The following LRRC28 variants were observed in gnomAD, a reference collection of about 807,000 sequenced individuals.
LRRC28 encodes leucine rich repeat containing 28, also known as leucine-rich repeat-containing protein 28.
LRRC28 carries 39 observed loss-of-function variants against 45.7 expected under a neutral mutation model. The observed-to-expected ratio is 0.85, with a 90% CI of 0.66 to 1.12. The LOEUF (loss-of-function observed/expected upper bound fraction) is 1.12. Among genes scored for constraint, LRRC28 ranks in the 50% most tolerant of loss-of-function variants. The pLI is 0.00. For missense variants in LRRC28, 435 were observed against 438.5 expected (o/e 0.99, Z 0.07); for synonymous variants, 206 against 178.8 (o/e 1.15, Z -1.22).
At chr15:99,338,509 T>C (rs1377760901) in intron 6 of LRRC28, 4 of 152,168 alleles carry the variant, frequency 2.6e-5, no homozygotes, top group Non-Finnish European at 4.4e-5. Flanking sequence ...TTTTCAAATA[T>C]TAGAAGGCTC....
intron 1 of LRRC28, 129 bp downstream of exon 1, chr15:99,251,670 C>T (rs2080791353): frequency 1.3e-5 from 2 of 152,276 alleles, no homozygotes; most frequent in Admixed American, 6.5e-5. Flanking sequence ...ACAGCGGAGC[C>T]GTCCGGGCCT....
Position 99,287,970 on chromosome 15 carries a change from A to G in LRRC28, c.385+19A>G. The G allele has an allele frequency of 6.2e-7, 1 of 1,601,094 alleles. No homozygotes were observed. Among genetic ancestry groups the G allele is most frequent in the Non-Finnish European group, 8.5e-7 (1 of 1,173,384 alleles). ...CCTCCAGGTAATCATAGTCTCTAGC[A>G]CACTATAGTTTCTTGTCTATTATAA... On this transcript the variant is annotated intron_variant, in intron 5 of 9. Transcript: ENST00000301981.
intron 1 of LRRC28, among the ~76,000 whole-genome samples, chr15:99,255,367 T>G (rs564314271): frequency 2.7e-5 from 4 of 149,002 alleles, no homozygotes; most frequent in Non-Finnish European, 4.5e-5. Context: ...TAAAAAAAAA[T>G]AAGAAGAAAG....
chr15:99,285,412 C>A, intron 3 of LRRC28: 2 of 753,976 alleles, frequency 2.7e-6, no homozygotes, highest in Non-Finnish European at 4.8e-6. Context: ...AAACCCAAAG[C>A]CCCTGGCGTG....
chr15:99,277,922 C>CT (rs1330438393), intron 3 of LRRC28, among the ~76,000 whole-genome samples: 1 of 151,982 alleles, frequency 6.6e-6, no homozygotes, highest in Non-Finnish European at 1.5e-5. Flanking sequence ...AGTATTTAAT[C>CT]TTTTTTTACT....
chr15:99,262,590 T>C (rs553495374), intron 2 of LRRC28, among the ~76,000 whole-genome samples: 3 of 151,998 alleles, frequency 2.0e-5, no homozygotes, highest in African/African-American at 4.8e-5. Flanking sequence ...TCAAAAAAAA[T>C]TTTTTTAAAG....
chr15:99,358,635 G>C (rs1189610093), intron 7 of LRRC28, among the ~76,000 whole-genome samples: 1 of 152,006 alleles, frequency 6.6e-6, no homozygotes, highest in Non-Finnish European at 1.5e-5. Flanking sequence ...AGTGTATTTG[G>C]GAACTTAATA....
intron 9 of LRRC28, among the ~76,000 whole-genome samples, chr15:99,368,563 C>G (rs959857618): frequency 6.6e-6 from 1 of 152,118 alleles, no homozygotes; most frequent in Non-Finnish European, 1.5e-5. Context: ...GTTGCCCTAC[C>G]CTTGGGCTTT....
intron 6 of LRRC28, among the ~76,000 whole-genome samples, chr15:99,347,165 A>G (rs1490710522): frequency 2.0e-5 from 3 of 150,544 alleles, no homozygotes; most frequent in Admixed American, 2.0e-4. Context: ...TTCTTCCCAC[A>G]TGATAACGCC....
intron 5 of LRRC28, among the ~76,000 whole-genome samples, chr15:99,292,586 G>A (rs1039762767): frequency 2.0e-5 from 3 of 151,600 alleles, no homozygotes; most frequent in Non-Finnish European, 4.4e-5. Flanking sequence ...GGATGGTCTC[G>A]ATCTCCTGAC....
intron 5 of LRRC28, among the ~76,000 whole-genome samples, chr15:99,316,793 A>G (rs1222166936): frequency 6.6e-6 from 1 of 152,062 alleles, no homozygotes; most frequent in Non-Finnish European, 1.5e-5. Context: ...AAGTATTGAA[A>G]GGACCCTGGC....
intron 5 of LRRC28, among the ~76,000 whole-genome samples, chr15:99,294,860 C>G (rs1435974934): frequency 6.6e-6 from 1 of 152,188 alleles, no homozygotes; most frequent in East Asian, 1.9e-4. Flanking sequence ...TGTCCTGCAT[C>G]TTTCAGGTGC....
intron 2 of LRRC28, among the ~76,000 whole-genome samples, chr15:99,265,146 C>T (rs2081299007): frequency 6.6e-6 from 1 of 152,112 alleles, no homozygotes; most frequent in East Asian, 1.9e-4. Flanking sequence ...GGTGACTAAG[C>T]TTATGGTGGA....
intron 9 of LRRC28, among the ~76,000 whole-genome samples, chr15:99,366,618 C>CAG (rs1240615726): frequency 2.6e-5 from 4 of 152,246 alleles, no homozygotes; most frequent in Admixed American, 2.0e-4. Flanking sequence ...CCTTACATGG[C>CAG]AGAGAATGTC....
intron 5 of LRRC28, among the ~76,000 whole-genome samples, chr15:99,302,099 T>C (rs1459256865): frequency 1.3e-5 from 2 of 151,632 alleles, no homozygotes; most frequent in Non-Finnish European, 2.9e-5. Context: ...CGATCTCAGC[T>C]CACTGCAAGC....
chr15:99,384,564 A>G (rs1957925991), intron 9 of LRRC28: 1 of 152,212 alleles, frequency 6.6e-6, no homozygotes, highest in Non-Finnish European at 1.5e-5. Flanking sequence ...ATCTCAAGGC[A>G]CTAAGCTTAT....
chr15:99,261,481 T>A (rs1396956024), intron 2 of LRRC28, among the ~76,000 whole-genome samples: 4 of 152,166 alleles, frequency 2.6e-5, no homozygotes, highest in South Asian at 4.1e-4. Context: ...TCTCTCTTCC[T>A]GGGTTCGCAG....
intron 9 of LRRC28, among the ~76,000 whole-genome samples, chr15:99,366,281 G>T (rs539279570): frequency 2.0e-5 from 3 of 152,058 alleles, no homozygotes; most frequent in African/African-American, 4.8e-5. Flanking sequence ...TTCTCCCTTC[G>T]TCTCTTCACA....
intron 3 of LRRC28, among the ~76,000 whole-genome samples, chr15:99,278,652 A>G (rs2081689373): frequency 6.6e-6 from 1 of 152,220 alleles, no homozygotes; most frequent in African/African-American, 2.4e-5. Context: ...TTAAGCAAAT[A>G]TTCACCTTTT....
Sources: allele counts gnomAD v4.1 joint callset (sites outside exome capture counted in the v4.1 genomes callset), GRCh38; gene constraint gnomAD v4.1.1; transcripts MANE v1.5; gene names NCBI Gene and HGNC (gene_info 2026-07-23, HGNC 2026-07-21).